KCTD16: variants seen among roughly 807,000 people sequenced by gnomAD.
KCTD16 encodes the protein BTB/POZ domain-containing protein KCTD16.
A neutral mutation model predicts 33.2 loss-of-function variants in KCTD16; 13 were observed. That is an observed-to-expected ratio of 0.39 (90% CI 0.25 to 0.62). The LOEUF (loss-of-function observed/expected upper bound fraction) is 0.62. Ranked by LOEUF, KCTD16 falls within the 20% of genes least tolerant of loss-of-function variation. The pLI is 0.50. For missense variants in KCTD16, 441 were observed against 525.1 expected, an observed-to-expected ratio of 0.84 and a Z score of 1.57; for synonymous variants, 197 against 195.3, an observed-to-expected ratio of 1.01 and a Z score of -0.07.
intron 3 of KCTD16, among the ~76,000 whole-genome samples, chr5:144,456,176 T>C (rs190191563): frequency 1.8e-4 from 27 of 148,552 alleles, no homozygotes; most frequent in African/African-American, 5.6e-4. Context: ...TCTTTAATTC[T>C]TTATATATTT....
rs555049917 is a variant in KCTD16, at chr5:144,254,367, TCTC to T, written c.832+46824_832+46826del. On this transcript the variant is annotated intron_variant, in intron 3 of 3. Transcript: ENST00000512467. Reference sequence around the variant, plus strand: ...ACAGTGTTTGCCAGGATGGTCTTGATCTCCTGGCAAATGCATATTCTAACACTC... The same window carrying T: ...ACAGTGTTTGCCAGGATGGTCTTGATCTGGCAAATGCATATTCTAACACTC... Among the ~76,000 whole-genome samples, 28 of 151,874 alleles carry T rather than the reference TCTC, an allele frequency of 1.8e-4. No individual in the cohort carries two copies. In the East Asian group the frequency reaches 4.5e-3, roughly 24 times the overall value.
intron 3 of KCTD16, among the ~76,000 whole-genome samples, chr5:144,308,628 T>C (rs1017000304): frequency 2.9e-4 from 44 of 152,296 alleles, no homozygotes; most frequent in African/African-American, 1.0e-3. Context: ...TGTGGAGACA[T>C]ATGTCTATAT....
intron 3 of KCTD16, among the ~76,000 whole-genome samples, chr5:144,449,726 A>G (rs745573095): frequency 5.3e-5 from 8 of 152,034 alleles, no homozygotes; most frequent in Non-Finnish European, 1.0e-4. Context: ...TGCTAAGAAT[A>G]TGTAATAGGG....
At chr5:144,299,420 T>C (rs1165907187) in intron 3 of KCTD16, among the ~76,000 whole-genome samples, 8 of 151,808 alleles carry the variant, frequency 5.3e-5, no homozygotes, top group Admixed American at 5.3e-4. Flanking sequence ...GGTCCCCTGA[T>C]CTTAAACATA....
intron 3 of KCTD16, among the ~76,000 whole-genome samples, chr5:144,265,528 C>T (rs1227023713): frequency 1.3e-5 from 2 of 152,182 alleles, no homozygotes; most frequent in Non-Finnish European, 2.9e-5. Context: ...CTGCCCATGC[C>T]TCTGGCTTTA....
intron 3 of KCTD16, among the ~76,000 whole-genome samples, chr5:144,432,003 A>G (rs991794821): frequency 6.6e-6 from 1 of 152,172 alleles, no homozygotes; most frequent in African/African-American, 2.4e-5. Flanking sequence ...TTCTAATGCA[A>G]TGAAAAGAGC....
intron 3 of KCTD16, among the ~76,000 whole-genome samples, chr5:144,462,839 C>T (rs1387478454): frequency 2.0e-5 from 3 of 152,096 alleles, no homozygotes; most frequent in Non-Finnish European, 4.4e-5. Context: ...TGTTAACACT[C>T]GAAAGCCTGT....
intron 3 of KCTD16, among the ~76,000 whole-genome samples, chr5:144,348,362 A>G (rs1752859797): frequency 1.3e-5 from 2 of 152,076 alleles, no homozygotes; most frequent in Non-Finnish European, 2.9e-5. Context: ...CCCAATTTTT[A>G]TAGATGGGAA....
At chr5:144,396,751 G>A (rs1467547328) in intron 3 of KCTD16, among the ~76,000 whole-genome samples, 1 of 151,602 alleles carries the variant, frequency 6.6e-6, no homozygotes, top group African/African-American at 2.4e-5. Flanking sequence ...CCTAAAACAG[G>A]CTCAAAATAA....
chr5:144,237,816 G>A (rs1021902895), intron 3 of KCTD16, among the ~76,000 whole-genome samples: 1 of 152,128 alleles, frequency 6.6e-6, no homozygotes. Context: ...GGATCTGTAA[G>A]ACCCACACTA....
At chr5:144,187,238 A>T (rs1051796477) in intron 2 of KCTD16, among the ~76,000 whole-genome samples, 2 of 152,324 alleles carry the variant, frequency 1.3e-5, no homozygotes, top group South Asian at 4.1e-4. Flanking sequence ...CCTGCCAATG[A>T]CATAATGCAT....
intron 3 of KCTD16, among the ~76,000 whole-genome samples, chr5:144,442,921 T>A (rs747571845): frequency 2.6e-5 from 4 of 152,056 alleles, no homozygotes; most frequent in Admixed American, 6.6e-5. Flanking sequence ...TTTTTCCTTT[T>A]TGGCAAGGAA....
At position 144,259,257 on chromosome 5, in the gene KCTD16, C is replaced by CAA. The variant is rs1166248798; in HGVS notation, c.832+51737_832+51738dup. On this transcript the variant is annotated intron_variant, in intron 3 of 3. Transcript: ENST00000512467. The stretch of plus-strand genomic sequence containing the variant: ...TGGATGACAGAGCGAGACTCCATCT[C>CAA]AAAAAAAAAAAAAAAAAAAAAAAAA... Among the ~76,000 whole-genome samples, 77 of 48,390 alleles carry CAA rather than the reference C, an allele frequency of 1.6e-3. 1 individual carries two copies. Among genetic ancestry groups the CAA allele is most frequent in the Admixed American group, 2.2e-3 (9 of 4,166 alleles). 31.7% of individuals were successfully genotyped at this position (48,390 alleles called of 152,430 possible). A position where few individuals can be genotyped will look rare whatever the true frequency, so the allele number is the denominator to read the frequency against.
At chr5:144,278,794 G>A (rs991492420) in intron 3 of KCTD16, among the ~76,000 whole-genome samples, 2 of 152,122 alleles carry the variant, frequency 1.3e-5, no homozygotes, top group Admixed American at 6.5e-5. Flanking sequence ...ACCGTGCCTG[G>A]CCGTTAGTCT....
intron 3 of KCTD16, among the ~76,000 whole-genome samples, chr5:144,472,330 G>A (rs918992516): frequency 6.6e-6 from 1 of 152,190 alleles, no homozygotes; most frequent in African/African-American, 2.4e-5. Flanking sequence ...CTGTTCAGAG[G>A]GTGGAAGTGG....
chr5:144,180,570 T>C (rs1211131098), intron 2 of KCTD16, among the ~76,000 whole-genome samples: 1 of 152,172 alleles, frequency 6.6e-6, no homozygotes, highest in African/African-American at 2.4e-5. Flanking sequence ...GCAGGCTTGT[T>C]GGGGGTAGCT....
At chr5:144,391,502 G>T (rs1752448127) in intron 3 of KCTD16, among the ~76,000 whole-genome samples, 1 of 152,106 alleles carries the variant, frequency 6.6e-6, no homozygotes, top group South Asian at 2.1e-4. Flanking sequence ...ATACTTCCAG[G>T]GCTGACCTTC....
At chr5:144,310,377 C>A in intron 3 of KCTD16, among the ~76,000 whole-genome samples, 1 of 151,958 alleles carries the variant, frequency 6.6e-6, no homozygotes, top group East Asian at 1.9e-4. Context: ...GCAGGTGTCC[C>A]TTTGATATAC....
chr5:144,432,911 CAT>C (rs1363423259), intron 3 of KCTD16, among the ~76,000 whole-genome samples: 1 of 152,090 alleles, frequency 6.6e-6, no homozygotes, highest in East Asian at 1.9e-4. Flanking sequence ...TTTTAATACA[CAT>C]ATATTTAATC....
Sources: gnomAD v4.1 joint callset for allele counts (sites outside exome capture counted in the v4.1 genomes callset) on GRCh38, gnomAD v4.1.1 for gene constraint, MANE v1.5 for transcripts, NCBI Gene and HGNC (gene_info 2026-07-23, HGNC 2026-07-21) for gene names.